GYS2: variants seen among roughly 807,000 people sequenced by gnomAD.
GYS2 encodes the protein glycogen [starch] synthase, liver.
GYS2 carries 80 observed loss-of-function variants against 85.6 expected under a neutral mutation model. The observed-to-expected ratio is 0.93, with a 90% CI of 0.78 to 1.13. GYS2 has a LOEUF of 1.13. Ranked by LOEUF, GYS2 falls within the 50% of genes most tolerant of loss-of-function variation. The pLI is 0.00. For synonymous variants in GYS2, 328 were observed against 300.7 expected (o/e 1.09, Z -0.94); for missense variants, 881 against 854.9 (o/e 1.03, Z -0.38).
intron 12 of GYS2, among the ~76,000 whole-genome samples, chr12:21,544,453 T>C (rs1452154748): frequency 6.6e-6 from 1 of 152,226 alleles, no homozygotes; most frequent in Non-Finnish European, 1.5e-5. Flanking sequence ...TTCTATAACA[T>C]TTTCTTGACC....
At chr12:21,582,884 C>T (rs1432805053) in intron 1 of GYS2, among the ~76,000 whole-genome samples, 2 of 152,170 alleles carry the variant, frequency 1.3e-5, no homozygotes, top group African/African-American at 4.8e-5. Flanking sequence ...ATTTGACACT[C>T]TTGATTCAAC....
chr12:21,568,812 T>C (rs1944352784), intron 5 of GYS2, 53 bp downstream of exon 5: 6 of 1,507,890 alleles, frequency 4.0e-6, no homozygotes, highest in Admixed American at 1.7e-5. Context: ...AAAATCCTCA[T>C]AGTGTAACAT....
At chr12:21,567,741 T>A (rs1944338641) in intron 5 of GYS2, among the ~76,000 whole-genome samples, 1 of 152,118 alleles carries the variant, frequency 6.6e-6, no homozygotes, top group South Asian at 2.1e-4. Context: ...GAGTGTCTCA[T>A]GGCAAATATT....
At chr12:21,537,544 G>A (rs1943924748) in intron 15 of GYS2, among the ~76,000 whole-genome samples, 1 of 152,092 alleles carries the variant, frequency 6.6e-6, no homozygotes, top group Non-Finnish European at 1.5e-5. Context: ...ATTTGTACCA[G>A]GTCTGTGATG....
At chr12:21,579,310 T>C (rs1172166507) in intron 2 of GYS2, among the ~76,000 whole-genome samples, 2 of 151,906 alleles carry the variant, frequency 1.3e-5, no homozygotes, top group African/African-American at 2.4e-5. Context: ...CCACATTCCA[T>C]GTGTAGTTTC....
chr12:21,559,670 GT>G lies in GYS2; in HGVS notation c.1209del (p.Lys403AsnfsTer7), dbSNP rs777954647. 4.4e-6 allele frequency: 7 copies of G among 1,585,608 alleles called. No individual in the cohort carries two copies. In the South Asian group the frequency reaches 4.4e-5, roughly 10 times the overall value. ...AHSVKEKFGK[K>X]LYDALLRGEI... ...ACCTACCTTAATAATGCATCATAGA[GT>G]TTTTTTCCAAACTTTTCCTTCACAG... is the stretch of plus-strand genomic sequence containing the variant. On this transcript the variant is annotated frameshift_variant, in exon 9 of 16. Transcript: ENST00000261195. LOFTEE classifies it high-confidence loss of function.
At chr12:21,566,792 T>C (rs929705803) in intron 5 of GYS2, among the ~76,000 whole-genome samples, 1 of 152,142 alleles carries the variant, frequency 6.6e-6, no homozygotes, top group African/African-American at 2.4e-5. Context: ...TAACGTATAC[T>C]CAACATAAAA....
At chr12:21,594,526 G>T (rs1240566779) in intron 1 of GYS2, among the ~76,000 whole-genome samples, 3 of 151,934 alleles carry the variant, frequency 2.0e-5, no homozygotes, top group Admixed American at 6.6e-5. Context: ...AATATTTAGG[G>T]ATAAATTTAA....
downstream of GYS2, chr12:21,534,959 A>ATATTTGCT: frequency 6.6e-6 from 1 of 152,344 alleles, no homozygotes; most frequent in East Asian, 1.9e-4. Context: ...ACTAAAAATC[A>ATATTTGCT]TATTTGCTTC....
chr12:21,575,579 A>G (rs569562626), intron 3 of GYS2, among the ~76,000 whole-genome samples: 2 of 152,114 alleles, frequency 1.3e-5, no homozygotes, highest in East Asian at 3.9e-4. Context: ...TTTCTTATAT[A>G]TATATATTAA....
intron 5 of GYS2, among the ~76,000 whole-genome samples, chr12:21,568,120 TTC>T (rs538760180): frequency 1.3e-5 from 2 of 152,026 alleles, no homozygotes; most frequent in Non-Finnish European, 2.9e-5. Flanking sequence ...GAGCCTCTAG[TTC>T]TCTCTCTCAG....
At chr12:21,590,170 T>A (rs965114893) in intron 1 of GYS2, among the ~76,000 whole-genome samples, 3 of 152,026 alleles carry the variant, frequency 2.0e-5, no homozygotes, top group Admixed American at 2.0e-4. Context: ...CCGCACCCCT[T>A]CAAGAGCAGG....
intron 1 of GYS2, among the ~76,000 whole-genome samples, chr12:21,585,986 T>C (rs957282997): frequency 6.6e-6 from 1 of 152,196 alleles, no homozygotes; most frequent in African/African-American, 2.4e-5. Flanking sequence ...GTGTATAGGC[T>C]CAAGTTGACA....
At chr12:21,596,103 T>G (rs1944693258) in intron 1 of GYS2, among the ~76,000 whole-genome samples, 1 of 152,036 alleles carries the variant, frequency 6.6e-6, no homozygotes, top group Non-Finnish European at 1.5e-5. Flanking sequence ...GAGATTTAAT[T>G]GGTAATTAAA....
chr12:21,568,708 A>C (rs774190538), intron 5 of GYS2, among the ~76,000 whole-genome samples, 157 bp downstream of exon 5: 2 of 152,186 alleles, frequency 1.3e-5, no homozygotes, highest in Non-Finnish European at 2.9e-5. Context: ...GCTTCCCTGC[A>C]AACCTACTGA....
At chr12:21,569,340 G>C (rs1862615813) in intron 4 of GYS2, among the ~76,000 whole-genome samples, 1 of 152,102 alleles carries the variant, frequency 6.6e-6, no homozygotes, top group Non-Finnish European at 1.5e-5. Context: ...GGAATACTGA[G>C]CTAATGCCTT....
chr12:21,584,087 A>G (rs1416923018), intron 1 of GYS2, among the ~76,000 whole-genome samples: 1 of 152,212 alleles, frequency 6.6e-6, no homozygotes, highest in Non-Finnish European at 1.5e-5. Context: ...CCGCAGCACT[A>G]CAGCCCCTTT....
intron 5 of GYS2, among the ~76,000 whole-genome samples, chr12:21,566,983 G>A (rs1438468059): frequency 6.6e-6 from 1 of 152,134 alleles, no homozygotes; most frequent in Non-Finnish European, 1.5e-5. Flanking sequence ...AAAATGATTA[G>A]AGGCACCAGA....
intron 3 of GYS2, 113 bp downstream of exon 3, chr12:21,575,753 G>A (rs1944437549): frequency 2.4e-6 from 2 of 828,842 alleles, no homozygotes; most frequent in Admixed American, 3.4e-5. Flanking sequence ...ATTAGGACAA[G>A]CCATAATGGC....
Sources: allele counts gnomAD v4.1 joint callset (sites outside exome capture counted in the v4.1 genomes callset), GRCh38; gene constraint gnomAD v4.1.1; transcripts MANE v1.5; gene names NCBI Gene and HGNC (gene_info 2026-07-23, HGNC 2026-07-21).